SLC9A6: variants seen among roughly 807,000 people sequenced by gnomAD.
The protein encoded by SLC9A6 is sodium/hydrogen exchanger 6.
Under a neutral mutation model 45.3 loss-of-function variants are expected in SLC9A6, and 6 were observed. The observed-to-expected ratio is 0.13, with a 90% CI of 0.07 to 0.26. The LOEUF is 0.26. Ranked by LOEUF, SLC9A6 falls within the 10% of genes least tolerant of loss-of-function variation. The pLI, the probability that SLC9A6 is intolerant of heterozygous loss-of-function variation, is 1.00. For missense variants in SLC9A6, 278 were observed against 503.7 expected, an observed-to-expected ratio of 0.55 and a Z score of 4.29; for synonymous variants, 191 against 187.7, an observed-to-expected ratio of 1.02 and a Z score of -0.14.
chrX:136,029,973 G>A, intron 14 of SLC9A6, 159 bp from the exon 15 acceptor site: 1 of 509,263 alleles, frequency 2.0e-6, no homozygotes. Flanking sequence ...GAAAGTGGCA[G>A]GAGCCAAAAA....
At chrX:136,039,979 C>T (rs782778542) in intron 16 of SLC9A6, 97 bp from the exon 17 acceptor site, 47 of 671,935 alleles carry the variant, frequency 7.0e-5, no homozygotes, top group Admixed American at 2.1e-4. Flanking sequence ...TGCTGTCCTC[C>T]GAAGTGGTTA....
At chrX:135,983,033 C>T (rs1379107676), upstream of SLC9A6, among the ~76,000 whole-genome samples, 3 of 111,131 alleles carry the variant, frequency 2.7e-5, no homozygotes, top group Admixed American at 9.5e-5. Flanking sequence ...TTCCCTAGTA[C>T]TCAGCAAATG....
At position 136,047,108 on chromosome X, in the gene SLC9A6, A is replaced by T. The variant is rs2071612428; in HGVS notation, c.*2384A>T. 1 of 112,809 alleles carries T rather than the reference A, an allele frequency of 8.9e-6. No individual in the cohort carries two copies. Among genetic ancestry groups the T allele is most frequent in the African/African-American group, 3.2e-5 (1 of 30,948 alleles). 9.3% of individuals were successfully genotyped at this position (112,809 alleles called of 1,213,427 possible). A position where few individuals can be genotyped will look rare whatever the true frequency, so the allele number is the denominator to read the frequency against. Reference sequence around the variant, plus strand: ...TTTTAGGAAAATCTGTCATTAAAAAAGTTATAGCCTTGCAAATAACCACTC... The same window carrying T: ...TTTTAGGAAAATCTGTCATTAAAAATGTTATAGCCTTGCAAATAACCACTC... On this transcript the variant is annotated 3_prime_UTR_variant, in exon 18 of 18. Coordinates refer to ENST00000630721, the MANE Select transcript of SLC9A6 (RefSeq NM_001379110.1).
chrX:135,996,890 C>A (rs2089506736), intron 3 of SLC9A6, among the ~76,000 whole-genome samples: 1 of 109,643 alleles, frequency 9.1e-6, no homozygotes, highest in Admixed American at 9.7e-5. Context: ...CCTCAGCCTC[C>A]CGAGTAGCTG....
chrX:136,010,647 G>C, intron 8 of SLC9A6, 64 bp downstream of exon 8: 1 of 1,035,091 alleles, frequency 9.7e-7, no homozygotes, highest in Non-Finnish European at 1.4e-6. Flanking sequence ...GCTGTATTCC[G>C]TTGTTTTTCC....
intron 1 of SLC9A6, among the ~76,000 whole-genome samples, chrX:135,977,755 C>G (rs1556613535): frequency 9.1e-6 from 1 of 109,639 alleles, no homozygotes; most frequent in African/African-American, 3.3e-5. Flanking sequence ...GTAAGAAATT[C>G]AAACAATAAA....
At chrX:135,982,317 G>T (rs2089289416), upstream of SLC9A6, among the ~76,000 whole-genome samples, 1 of 102,286 alleles carries the variant, frequency 9.8e-6, no homozygotes, top group South Asian at 5.0e-4. Flanking sequence ...GTGTTTCTCA[G>T]AGGAGACCTG....
chrX:136,012,460 A>G (rs971043719), intron 8 of SLC9A6, among the ~76,000 whole-genome samples: 8 of 113,258 alleles, frequency 7.1e-5, no homozygotes. Flanking sequence ...TTGTTAAACT[A>G]GTATAAAGCA....
intron 1 of SLC9A6, among the ~76,000 whole-genome samples, chrX:135,976,533 C>T (rs1208173591): frequency 9.4e-6 from 1 of 106,799 alleles, no homozygotes; most frequent in Admixed American, 1.0e-4. Context: ...ACCCAGGAGG[C>T]GGAGGTTGCA....
chrX:136,010,920 G>T (rs1556618566), intron 8 of SLC9A6, among the ~76,000 whole-genome samples: 1 of 112,446 alleles, frequency 8.9e-6, no homozygotes, highest in Non-Finnish European at 1.9e-5. Flanking sequence ...TTGCTGGTCA[G>T]CCTGGCAGTC....
chrX:135,993,139 G>A (rs2089456240), intron 2 of SLC9A6, among the ~76,000 whole-genome samples: 1 of 112,075 alleles, frequency 8.9e-6, no homozygotes, highest in South Asian at 3.6e-4. Flanking sequence ...CTACAACATA[G>A]ATAAACCTTG....
At chrX:136,039,568 T>C (rs1401807505) in intron 16 of SLC9A6, among the ~76,000 whole-genome samples, 1 of 112,059 alleles carries the variant, frequency 8.9e-6, no homozygotes, top group African/African-American at 3.2e-5. Flanking sequence ...TACTGAAGTT[T>C]CAACTTATAC....
At chrX:136,032,457 C>G (rs1556621249) in intron 15 of SLC9A6, among the ~76,000 whole-genome samples, 1 of 112,409 alleles carries the variant, frequency 8.9e-6, no homozygotes, top group Non-Finnish European at 1.9e-5. Context: ...TAACCCTCAT[C>G]ATGTTTTTAT....
intron 8 of SLC9A6, among the ~76,000 whole-genome samples, 176 bp from the exon 9 acceptor site, chrX:136,012,773 T>C (rs1477416881): frequency 8.9e-6 from 1 of 112,742 alleles, no homozygotes; most frequent in Non-Finnish European, 1.9e-5. Context: ...GGCAGCTGAC[T>C]CCTCAGTAAG....
In SLC9A6 at chrX:135,998,894, C is replaced by T. The variant is rs372747388; in HGVS notation, c.563C>T (p.Thr188Met). 5 of 1,208,473 alleles carry T rather than the reference C, an allele frequency of 4.1e-6. No homozygotes were observed. Among genetic ancestry groups the T allele is most frequent in the South Asian group, 3.5e-5 (2 of 56,930 alleles). ...GGCTGTGTAACGCTGATGAAGGTAA[C>T]GGGACAACTTGCAGGAGATTTTTAC... is the stretch of plus-strand genomic sequence containing the variant. ...MYGCVTLMKV[T>M]GQLAGDFYFT... The change falls in exon 6 of 18, where the codon ACG becomes ATG. Residue 188 changes from threonine to methionine, a missense_variant. Thr to Met is a moderately conservative substitution (Grantham distance 81). Transcript: ENST00000630721.
At chrX:135,991,392 G>A (rs138215407) in intron 2 of SLC9A6, among the ~76,000 whole-genome samples, 1,256 of 109,866 alleles carry the variant, frequency 0.011, 40 homozygotes, top group Admixed American at 0.11. Context: ...CAAGTAGCTG[G>A]GATTACAGGT....
At chrX:135,988,637 C>T (rs1394676342) in intron 2 of SLC9A6, among the ~76,000 whole-genome samples, 2 of 108,516 alleles carry the variant, frequency 1.8e-5, no homozygotes, top group Non-Finnish European at 3.8e-5. Flanking sequence ...GTTGCTCTGT[C>T]GCCTAGGCTG....
intron 9 of SLC9A6, 96 bp downstream of exon 9, chrX:136,013,150 C>T (rs1473394338): frequency 2.8e-6 from 2 of 725,222 alleles, no homozygotes; most frequent in Non-Finnish European, 4.4e-6. Flanking sequence ...AGTATTTGAA[C>T]ATACTTATTG....
At chrX:135,985,141 T>C (rs1304994138), upstream of SLC9A6, 4 of 159,468 alleles carry the variant, frequency 2.5e-5, no homozygotes, top group Non-Finnish European at 4.7e-5. Flanking sequence ...AGATGGGTTA[T>C]GAAAGATCAA....
Sources: gnomAD v4.1 joint callset for allele counts (sites outside exome capture counted in the v4.1 genomes callset) on GRCh38, gnomAD v4.1.1 for gene constraint, MANE v1.5 for transcripts, NCBI Gene and HGNC (gene_info 2026-07-23, HGNC 2026-07-21) for gene names.